SEMA6D: variants seen among roughly 807,000 people sequenced by gnomAD.
SEMA6D encodes semaphorin-6D.
In SEMA6D, 35 loss-of-function variants were observed where a neutral mutation model predicts 106.6. The ratio of observed to expected loss-of-function variants is 0.33; its 90% confidence interval spans 0.25 to 0.44. The LOEUF (loss-of-function observed/expected upper bound fraction) is 0.44. Ranked by LOEUF, SEMA6D falls within the 20% of genes least tolerant of loss-of-function variation. SEMA6D has a pLI of 1.00. For synonymous variants in SEMA6D, 499 were observed against 487.7 expected, an observed-to-expected ratio of 1.02 and a Z score of -0.31; for missense variants, 1,185 against 1,345.9, an observed-to-expected ratio of 0.88 and a Z score of 1.87.
intron 3 of SEMA6D, among the ~76,000 whole-genome samples, chr15:47,500,875 G>A (rs1272196942): frequency 1.3e-5 from 2 of 152,166 alleles, no homozygotes; most frequent in African/African-American, 4.8e-5. Flanking sequence ...AGGAGAGAGT[G>A]TCTTAGAGTG....
chr15:47,519,048 A>G (rs1035496794), intron 3 of SEMA6D, among the ~76,000 whole-genome samples: 3 of 152,172 alleles, frequency 2.0e-5, no homozygotes, highest in Admixed American at 6.5e-5. Flanking sequence ...AACATGGTGA[A>G]ACCCTGTCTC....
At chr15:47,202,853 G>GA (rs1894814965) in intron 1 of SEMA6D, among the ~76,000 whole-genome samples, 1 of 152,020 alleles carries the variant, frequency 6.6e-6, no homozygotes, top group Non-Finnish European at 1.5e-5. Flanking sequence ...TTCTAAGAGC[G>GA]AAAAAATGTG....
intron 3 of SEMA6D, among the ~76,000 whole-genome samples, chr15:47,549,087 A>G (rs2045608653): frequency 1.3e-5 from 2 of 152,138 alleles, no homozygotes; most frequent in South Asian, 2.1e-4. Context: ...AATGACCTTT[A>G]TCACTTTGCT....
At chr15:47,735,061 A>T (rs993525766) in intron 1 of SEMA6D, among the ~76,000 whole-genome samples, 1 of 152,216 alleles carries the variant, frequency 6.6e-6, no homozygotes, top group Non-Finnish European at 1.5e-5. Context: ...CTTAAAAAAA[A>T]ATCTATAGCC....
chr15:47,709,040 T>TC (rs1225939176), intron 4 of SEMA6D, among the ~76,000 whole-genome samples: 9 of 152,316 alleles, frequency 5.9e-5, no homozygotes, highest in African/African-American at 2.2e-4. Flanking sequence ...AAGGGCTGCA[T>TC]CAGTGGGCCT....
intron 1 of SEMA6D, among the ~76,000 whole-genome samples, chr15:47,314,897 G>C (rs1316957673): frequency 7.8e-6 from 1 of 129,006 alleles, no homozygotes; most frequent in Non-Finnish European, 1.6e-5. Context: ...ACGGAGTCTC[G>C]CTCTGTGGCC....
chr15:47,332,722 G>A (rs1468684515), intron 1 of SEMA6D, among the ~76,000 whole-genome samples: 5 of 152,184 alleles, frequency 3.3e-5, no homozygotes, highest in Admixed American at 6.5e-5. Context: ...GATCTTAAGA[G>A]CCTTATCTGC....
intron 1 of SEMA6D, among the ~76,000 whole-genome samples, chr15:47,285,139 A>G (rs1166473995): frequency 1.3e-5 from 2 of 152,232 alleles, no homozygotes; most frequent in Admixed American, 1.3e-4. Context: ...TTTGAGCTAC[A>G]GAGAATGCTT....
At chr15:47,193,218 A>G (rs116438012) in intron 1 of SEMA6D, among the ~76,000 whole-genome samples, 2,273 of 152,236 alleles carry the variant, frequency 0.015, 61 homozygotes, top group African/African-American at 0.052. Flanking sequence ...TTTCTCATCA[A>G]TAAAATTGAC....
chr15:47,450,041 G>GAT (rs1567087671), intron 2 of SEMA6D, among the ~76,000 whole-genome samples: 1 of 152,118 alleles, frequency 6.6e-6, no homozygotes, highest in African/African-American at 2.4e-5. Context: ...GTACATAGGG[G>GAT]ATAGTTGGGC....
At chr15:47,246,568 G>A (rs1175476089) in intron 1 of SEMA6D, among the ~76,000 whole-genome samples, 1 of 152,064 alleles carries the variant, frequency 6.6e-6, no homozygotes, top group East Asian at 1.9e-4. Context: ...TACATTCCTT[G>A]ACACATGGCC....
At chr15:47,756,743 C>G (rs1209376574) in intron 1 of SEMA6D, among the ~76,000 whole-genome samples, 1 of 152,058 alleles carries the variant, frequency 6.6e-6, no homozygotes, top group African/African-American at 2.4e-5. Flanking sequence ...AAAGTCAGAG[C>G]TAAGTAGTCT....
intron 3 of SEMA6D, among the ~76,000 whole-genome samples, chr15:47,557,345 G>A (rs980554686): frequency 1.3e-5 from 2 of 152,108 alleles, no homozygotes; most frequent in Non-Finnish European, 2.9e-5. Flanking sequence ...GAGAACCTAC[G>A]GTTGTGATTT....
intron 1 of SEMA6D, among the ~76,000 whole-genome samples, chr15:47,264,467 G>C (rs777242179): frequency 1.3e-5 from 2 of 151,956 alleles, no homozygotes; most frequent in African/African-American, 4.8e-5. Flanking sequence ...TTGCAGAAGT[G>C]ACAGAATAAT....
At chr15:47,240,390 T>C (rs2032830289) in intron 1 of SEMA6D, among the ~76,000 whole-genome samples, 1 of 152,192 alleles carries the variant, frequency 6.6e-6, no homozygotes, top group African/African-American at 2.4e-5. Flanking sequence ...GGAACTATAA[T>C]GGAGCTATGA....
chr15:47,521,858 G>A lies in SEMA6D; in HGVS notation c.-87+51313G>A, dbSNP rs1013194216. ...AACTTAGCCGGGCATGGTGGTGGGC[G>A]CCTGTAGTCCCAGCTACTCGGGAGG... is the stretch of plus-strand genomic sequence containing the variant. On this transcript the variant is annotated intron_variant, in intron 3 of 19. Transcript: ENST00000558014. Among the ~76,000 whole-genome samples the A allele has an allele frequency of 1.2e-4, 18 of 152,152 alleles. No homozygotes were observed. The East Asian group carries it at 2.5e-3, about 21-fold the overall frequency.
At chr15:47,368,620 G>A (rs139187132) in intron 1 of SEMA6D, among the ~76,000 whole-genome samples, 3,083 of 152,208 alleles carry the variant, frequency 0.02, 98 homozygotes, top group African/African-American at 0.071. Context: ...ACAGGCGCCC[G>A]CCACTACGCC....
At chr15:47,605,506 G>A (rs1172149242) in intron 4 of SEMA6D, among the ~76,000 whole-genome samples, 1 of 152,094 alleles carries the variant, frequency 6.6e-6, no homozygotes, top group African/African-American at 2.4e-5. Context: ...GACACCCCTG[G>A]GTCAAGGGCT....
chr15:47,735,597 C>T (rs933021247), intron 1 of SEMA6D, among the ~76,000 whole-genome samples: 3 of 152,176 alleles, frequency 2.0e-5, no homozygotes, highest in Admixed American at 6.5e-5. Context: ...TGAGATTCCA[C>T]AATCATCATT....
Sources: gnomAD v4.1 joint callset for allele counts (sites outside exome capture counted in the v4.1 genomes callset) on GRCh38, gnomAD v4.1.1 for gene constraint, MANE v1.5 for transcripts, NCBI Gene and HGNC (gene_info 2026-07-23, HGNC 2026-07-21) for gene names.